RHOJ: variants seen among roughly 807,000 people sequenced by gnomAD.
The protein encoded by RHOJ is rho-related GTP-binding protein RhoJ.
RHOJ carries 11 observed loss-of-function variants against 23.4 expected under a neutral mutation model. The observed-to-expected ratio is 0.47, with a 90% CI of 0.30 to 0.78. RHOJ has a LOEUF of 0.78. Among genes scored for constraint, RHOJ ranks in the 30% least tolerant of loss-of-function variants. The pLI, the probability that RHOJ is intolerant of heterozygous loss-of-function variation, is 0.08. For missense variants in RHOJ, 254 were observed against 273.4 expected (o/e 0.93, Z 0.50); for synonymous variants, 102 against 102.7 (o/e 0.99, Z 0.04).
intron 1 of RHOJ, among the ~76,000 whole-genome samples, chr14:63,228,102 T>G (rs1393975371): frequency 6.6e-6 from 1 of 152,220 alleles, no homozygotes; most frequent in Non-Finnish European, 1.5e-5. Context: ...TCTATTGTCC[T>G]ATGAGCATGT....
rs577715992 is a variant in RHOJ, at chr14:63,272,387, G to T, written c.237+3219G>T. 5.9e-5 allele frequency among the ~76,000 whole-genome samples: 9 copies of T among 152,282 alleles called. No homozygotes were observed. The South Asian group carries it at 6.2e-4, about 11-fold the overall frequency. On this transcript the variant is annotated intron_variant, in intron 2 of 4. Transcript: ENST00000316754. ...TGGTCAATTACAATGGAAGAGAGAT[G>T]ATTTCAAAACCAATTGATTAATCCC...
In RHOJ at chr14:63,249,374, C is replaced by T. The variant is rs994261588; in HGVS notation, c.179-19736C>T. On this transcript the variant is annotated intron_variant, in intron 1 of 4. Transcript: ENST00000316754. ...TTAAAAACTACCACCGAGCAGCCAG[C>T]ATATGCTCAACACTGCTGGCCTCTG... Among the ~76,000 whole-genome samples, 4 of 152,302 alleles carry T rather than the reference C, an allele frequency of 2.6e-5. No homozygotes were observed. In the East Asian group the frequency reaches 5.8e-4, roughly 22 times the overall value.
At chr14:63,280,907 C>T (rs1594777459) in intron 2 of RHOJ, 64 bp from the exon 3 acceptor site, 1 of 1,479,112 alleles carries the variant, frequency 6.8e-7, no homozygotes, top group Non-Finnish European at 9.1e-7. Flanking sequence ...TGAAATCTGA[C>T]CTTGGAACTA....
chr14:63,220,142 A>G (rs1001918222), intron 1 of RHOJ, among the ~76,000 whole-genome samples: 4 of 152,214 alleles, frequency 2.6e-5, no homozygotes, highest in African/African-American at 9.6e-5. Context: ...GAAATAATGC[A>G]AGTCTATCCC....
chr14:63,232,826 A>C (rs1473222955), intron 1 of RHOJ, among the ~76,000 whole-genome samples: 2 of 150,886 alleles, frequency 1.3e-5, no homozygotes, highest in Non-Finnish European at 2.9e-5. Context: ...CCTCCCAAGT[A>C]GCTGGGACCA....
At chr14:63,208,430 T>C (rs1277308213) in intron 1 of RHOJ, among the ~76,000 whole-genome samples, 1 of 152,232 alleles carries the variant, frequency 6.6e-6, no homozygotes, top group Non-Finnish European at 1.5e-5. Flanking sequence ...TTCCCATCTC[T>C]GCTGTGCTGG....
At chr14:63,269,672 T>C (rs920920670) in intron 2 of RHOJ, among the ~76,000 whole-genome samples, 4 of 152,176 alleles carry the variant, frequency 2.6e-5, no homozygotes, top group Non-Finnish European at 5.9e-5. Flanking sequence ...GGATCCTAGA[T>C]GTTTTCCAAA....
intron 1 of RHOJ, among the ~76,000 whole-genome samples, chr14:63,245,601 T>C (rs1894963114): frequency 6.6e-6 from 1 of 152,080 alleles, no homozygotes; most frequent in Non-Finnish European, 1.5e-5. Flanking sequence ...GAGACCGCAG[T>C]GAGCTATGAT....
At chr14:63,288,276 C>T (rs778369620) in intron 4 of RHOJ, 1 of 985,444 alleles carries the variant, frequency 1.0e-6, no homozygotes, top group Non-Finnish European at 1.2e-6. Flanking sequence ...ACACTGGGGG[C>T]AGGAGGATGG....
intron 1 of RHOJ, among the ~76,000 whole-genome samples, chr14:63,259,025 C>T (rs1566622034): frequency 6.6e-6 from 1 of 152,242 alleles, no homozygotes; most frequent in East Asian, 1.9e-4. Flanking sequence ...CAGCAACCTC[C>T]GCCTCCCAGG....
At chr14:63,254,175 C>A (rs1895121770) in intron 1 of RHOJ, among the ~76,000 whole-genome samples, 1 of 152,208 alleles carries the variant, frequency 6.6e-6, no homozygotes, top group South Asian at 2.1e-4. Flanking sequence ...GCCAAACACT[C>A]CATCACTGTC....
chr14:63,274,816 CAT>C (rs1229303061), intron 2 of RHOJ, among the ~76,000 whole-genome samples: 1 of 152,146 alleles, frequency 6.6e-6, no homozygotes, highest in Non-Finnish European at 1.5e-5. Context: ...TCTTAAGCAC[CAT>C]GCTATGCACG....
intron 2 of RHOJ, among the ~76,000 whole-genome samples, chr14:63,275,718 A>G (rs190988933): frequency 6.6e-6 from 1 of 152,330 alleles, no homozygotes; most frequent in East Asian, 1.9e-4. Flanking sequence ...CAAGAAGCAA[A>G]TAAGCACCTG....
chr14:63,259,437 T>C (rs1457969861), intron 1 of RHOJ, among the ~76,000 whole-genome samples: 1 of 152,212 alleles, frequency 6.6e-6, no homozygotes, highest in Non-Finnish European at 1.5e-5. Context: ...TTTGAAACTC[T>C]CCTTAAGAGG....
chr14:63,285,274 G>A (rs1326609942), intron 4 of RHOJ, among the ~76,000 whole-genome samples: 2 of 152,182 alleles, frequency 1.3e-5, no homozygotes, highest in African/African-American at 4.8e-5. Flanking sequence ...CGCCCAGCTA[G>A]CAAGTGGCAG....
intron 1 of RHOJ, among the ~76,000 whole-genome samples, chr14:63,242,767 A>G (rs934124434): frequency 2.6e-5 from 4 of 152,190 alleles, no homozygotes; most frequent in African/African-American, 9.7e-5. Flanking sequence ...AAAACTCATA[A>G]GCTCTCATCC....
chr14:63,236,726 CTCTT>C (rs1411080316), intron 1 of RHOJ, among the ~76,000 whole-genome samples: 17 of 149,316 alleles, frequency 1.1e-4, no homozygotes, highest in Non-Finnish European at 2.2e-4. Flanking sequence ...CCTGAATTCT[CTCTT>C]CATGGGAAGA....
intron 4 of RHOJ, among the ~76,000 whole-genome samples, chr14:63,286,242 C>T (rs1383270611): frequency 1.3e-5 from 2 of 152,158 alleles, no homozygotes; most frequent in Non-Finnish European, 2.9e-5. Context: ...GTCTGGGTTA[C>T]AAAGGCCAGA....
intron 1 of RHOJ, among the ~76,000 whole-genome samples, chr14:63,244,530 A>G (rs1894942034): frequency 6.6e-6 from 1 of 152,176 alleles, no homozygotes; most frequent in Non-Finnish European, 1.5e-5. Flanking sequence ...GTGAGCCGAG[A>G]TCACGCCATT....
Sources: gnomAD v4.1 joint callset for allele counts (sites outside exome capture counted in the v4.1 genomes callset) on GRCh38, gnomAD v4.1.1 for gene constraint, MANE v1.5 for transcripts, NCBI Gene and HGNC (gene_info 2026-07-23, HGNC 2026-07-21) for gene names.